The following TCF3 variants were observed in gnomAD, a reference collection of about 807,000 sequenced individuals.
TCF3 encodes transcription factor 3.
In TCF3, 54 loss-of-function variants were observed where a neutral mutation model predicts 72.3. The observed-to-expected ratio is 0.75, with a 90% CI of 0.60 to 0.94. The LOEUF (loss-of-function observed/expected upper bound fraction) is 0.94, where lower values mean the gene tolerates loss of function less well. Among genes scored for constraint, TCF3 ranks in the 40% least tolerant of loss-of-function variants. The pLI, the probability that TCF3 is intolerant of heterozygous loss-of-function variation, is 0.00. For synonymous variants in TCF3, 525 were observed against 412.6 expected (o/e 1.27, Z -3.30); for missense variants, 1,078 against 934.4 (o/e 1.15, Z -2.00).
chr19:1,650,337 G>A, intron 1 of TCF3, 50 bp from the exon 2 acceptor site: 3 of 1,362,982 alleles, frequency 2.2e-6, no homozygotes, highest in Admixed American at 2.1e-5. Context: ...AGGGAGGGGA[G>A]AAGAGTTGTG....
chr19:1,620,404 G>A (rs180817438), intron 13 of TCF3, among the ~76,000 whole-genome samples: 148 of 152,258 alleles, frequency 9.7e-4, no homozygotes, highest in African/African-American at 3.3e-3. Context: ...GGGATAGGAG[G>A]GTCTGCCCTC....
intron 3 of TCF3, among the ~76,000 whole-genome samples, chr19:1,642,946 C>T (rs143943532): frequency 1.1e-3 from 170 of 152,278 alleles, no homozygotes; most frequent in African/African-American, 3.6e-3. Flanking sequence ...CACTTACAAT[C>T]GCACGGACAG....
chr19:1,642,506 G>T (rs999224900), intron 3 of TCF3, among the ~76,000 whole-genome samples: 1 of 152,192 alleles, frequency 6.6e-6, no homozygotes, highest in African/African-American at 2.4e-5. Flanking sequence ...ATAAAAAGTG[G>T]ATCAACTTCA....
chr19:1,612,798 G>A (rs928039954), intron 18 of TCF3, among the ~76,000 whole-genome samples: 1 of 151,162 alleles, frequency 6.6e-6, no homozygotes, highest in Non-Finnish European at 1.5e-5. Context: ...TGTTGGTGTG[G>A]GCAGCAGTGC....
intron 3 of TCF3, among the ~76,000 whole-genome samples, chr19:1,640,018 CGA>C (rs938997776): frequency 1.3e-5 from 2 of 152,102 alleles, no homozygotes; most frequent in African/African-American, 2.4e-5. Context: ...GAAAAATCAA[CGA>C]GAGAGAGAAA....
chr19:1,632,031 C>A lies in TCF3; in HGVS notation c.298+7G>T, dbSNP rs1403254126. On this transcript the variant is annotated splice_region_variant and intron_variant, in intron 5 of 18. Transcript: ENST00000262965. ...AGCAGAGGGACCGCACCAGGCCAGG[C>A]ACTCACCTCCGAGTCCCGGTCCCAG... 1.2e-6 allele frequency: 2 copies of A among 1,612,032 alleles called. No individual in the cohort carries two copies. Among genetic ancestry groups the A allele is most frequent in the Non-Finnish European group, 1.7e-6 (2 of 1,179,250 alleles).
intron 5 of TCF3, among the ~76,000 whole-genome samples, chr19:1,630,890 G>C (rs1046984259): frequency 3.9e-5 from 6 of 152,192 alleles, no homozygotes; most frequent in Non-Finnish European, 7.3e-5. Context: ...TGTGAAGCTC[G>C]GGGCATTTCC....
At position 1,622,176 on chromosome 19, in the gene TCF3, C is replaced by A; in HGVS notation, c.700G>T (p.Ala234Ser). 2 of 1,570,424 alleles carry A rather than the reference C, an allele frequency of 1.3e-6. No homozygotes were observed. Among genetic ancestry groups the A allele is most frequent in the South Asian group, 1.2e-5 (1 of 86,032 alleles). The change falls in exon 10 of 19, where the codon GCG becomes TCG. Residue 234 changes from alanine (A) to serine (S), a missense_variant. Physicochemically the swap from Ala to Ser is moderately conservative, Grantham distance 99. Coordinates refer to ENST00000262965, the MANE Select transcript of TCF3 (RefSeq NM_003200.5). ...SAELWSPPGQ[A>S]GFGPMLGGGS... ...CCACCCAGCATGGGCCCGAAGCCCG[C>A]CTGGCCCGGGGGACTCCAGAGCTCG...
At chr19:1,621,621 G>A (rs911673637) in intron 11 of TCF3, among the ~76,000 whole-genome samples, 4 of 152,198 alleles carry the variant, frequency 2.6e-5, no homozygotes, top group Non-Finnish European at 4.4e-5. Flanking sequence ...GCTGTAAGGC[G>A]GGAAAGCCGC....
Position 1,632,238 on chromosome 19 carries a change from TG to T in TCF3, c.219+93del, listed in dbSNP as rs944463375. On this transcript the variant is annotated intron_variant, in intron 4 of 18. Coordinates refer to ENST00000262965, the MANE Select transcript of TCF3 (RefSeq NM_003200.5). ...CCCCCAGTCCAAACCCCTGGAAGGC[TG>T]GCCCCTTCTCTCAGCCTCAGTTTCC... The T allele has an allele frequency of 6.3e-4, 972 of 1,544,386 alleles. 3 individuals are homozygous for T. The highest frequency in any genetic ancestry group is 1.2e-3 in the South Asian group (99 of 84,210).
intron 3 of TCF3, among the ~76,000 whole-genome samples, chr19:1,639,751 GAAAAAAAAAA>G (rs10674333): frequency 2.6e-4 from 14 of 54,190 alleles, no homozygotes; most frequent in African/African-American, 7.3e-4. Context: ...AGGAAATTAG[GAAAAAAAAAA>G]AAAAAAAAAA....
intron 11 of TCF3, 99 bp from the exon 12 acceptor site, chr19:1,621,290 C>CTCTCCCTG: frequency 2.9e-6 from 4 of 1,373,850 alleles, no homozygotes; most frequent in Non-Finnish European, 2.9e-6. Flanking sequence ...GACACTGCTG[C>CTCTCCCTG]GCCAGGGAGA....
chr19:1,626,977 C>T (rs2062962434), intron 6 of TCF3, among the ~76,000 whole-genome samples: 2 of 152,224 alleles, frequency 1.3e-5, no homozygotes, highest in African/African-American at 4.8e-5. Flanking sequence ...AACATCCTCC[C>T]CCAGCCTCAC....
intron 3 of TCF3, among the ~76,000 whole-genome samples, chr19:1,634,250 A>C (rs1712573143): frequency 6.6e-6 from 1 of 152,270 alleles, no homozygotes; most frequent in African/African-American, 2.4e-5. Flanking sequence ...TTAATAACCC[A>C]CCATGAATAT....
chr19:1,622,259 G>A, intron 9 of TCF3, 36 bp from the exon 10 acceptor site: 1 of 1,511,578 alleles, frequency 6.6e-7, no homozygotes. Context: ...GGGCCGAGTG[G>A]GGAACCCCAG....
At chr19:1,627,817 GCGGGAAGGGGACAGCAGAGC>G (rs2063107743) in intron 5 of TCF3, among the ~76,000 whole-genome samples, 1 of 124,088 alleles carries the variant, frequency 8.1e-6, no homozygotes, top group African/African-American at 3.3e-5. Context: ...AGGGGGTGAG[GCGGGAAGGGGACAGCAGAGC>G]TCACAGGGGG....
chr19:1,626,035 T>C (rs1392609390), intron 6 of TCF3, among the ~76,000 whole-genome samples: 1 of 152,172 alleles, frequency 6.6e-6, no homozygotes, highest in Non-Finnish European at 1.5e-5. Flanking sequence ...CTGCTTCCTA[T>C]CTTTTTGGTT....
intron 11 of TCF3, 55 bp downstream of exon 11, chr19:1,621,783 C>G: frequency 1.3e-6 from 2 of 1,503,074 alleles, no homozygotes; most frequent in Non-Finnish European, 1.8e-6. Context: ...CACCCAGACC[C>G]TGCCTGGAGC....
At position 1,614,967 on chromosome 19, in the gene TCF3, G is replaced by A. The variant is rs543815937; in HGVS notation, c.1822+318C>T. On this transcript the variant is annotated intron_variant, in intron 18 of 18. Coordinates refer to ENST00000262965, the MANE Select transcript of TCF3 (RefSeq NM_003200.5). This position sits in a 1 kb window ranked among gnomAD's most constrained non-coding sequence, Gnocchi z 5.6. Reference sequence around the variant, plus strand: ...GGGCTTCCCAAGAAAGGAGGACCACGGCGAGTGGGAGCCCCGTGGAGCTGG... The same window carrying A: ...GGGCTTCCCAAGAAAGGAGGACCACAGCGAGTGGGAGCCCCGTGGAGCTGG... 3.3e-5 allele frequency among the ~76,000 whole-genome samples: 5 copies of A among 152,254 alleles called. No individual in the cohort carries two copies. The highest frequency in any genetic ancestry group is 3.9e-4 in the East Asian group (2 of 5,170).
Sources: gnomAD v4.1 joint callset for allele counts (sites outside exome capture counted in the v4.1 genomes callset) on GRCh38, gnomAD v4.1.1 for gene constraint, Gnocchi (gnomAD v3.1) non-coding constraint, MANE v1.5 for transcripts, NCBI Gene and HGNC (gene_info 2026-07-23, HGNC 2026-07-21) for gene names.